The following PCCA variants were observed in gnomAD, a reference collection of about 807,000 sequenced individuals.
PCCA encodes propionyl-CoA carboxylase subunit alpha, also known as propionyl-CoA carboxylase alpha chain, mitochondrial.
In PCCA, 74 loss-of-function variants were observed where a neutral mutation model predicts 101.3. The ratio of observed to expected loss-of-function variants is 0.73; its 90% CI spans 0.61 to 0.89. The LOEUF (loss-of-function observed/expected upper bound fraction) is 0.89. Among genes scored for constraint, PCCA ranks in the 40% least tolerant of loss-of-function variants. PCCA has a pLI of 0.00. For synonymous variants in PCCA, 294 were observed against 313.6 expected (o/e 0.94, Z 0.66); for missense variants, 891 against 907.0 (o/e 0.98, Z 0.23).
chr13:100,483,255 A>T (rs540836480), intron 21 of PCCA, among the ~76,000 whole-genome samples: 40 of 139,306 alleles, frequency 2.9e-4, no homozygotes, highest in African/African-American at 1.1e-3. Flanking sequence ...CCTTTCAGGG[A>T]AAAAAAAAAA....
intron 19 of PCCA, among the ~76,000 whole-genome samples, chr13:100,422,084 T>TTCTTTC (rs2078826083): frequency 1.5e-5 from 2 of 137,504 alleles, no homozygotes; most frequent in African/African-American, 3.1e-5. Context: ...CTTTCTTTCT[T>TTCTTTC]TCTTTCTTTC....
At chr13:100,192,446 A>T (rs764712571) in intron 6 of PCCA, among the ~76,000 whole-genome samples, 28 of 152,220 alleles carry the variant, frequency 1.8e-4, no homozygotes, top group Admixed American at 3.9e-4. Context: ...TGTGTTAAGC[A>T]GACATCAAAG....
rs979964860 is a variant in PCCA, at chr13:100,394,083, T to C, written c.1746+25509T>C. 3.3e-5 allele frequency among the ~76,000 whole-genome samples: 5 copies of C among 152,198 alleles called. No individual in the cohort carries two copies. Among genetic ancestry groups the C allele is most frequent in the African/African-American group, 1.2e-4 (5 of 41,456 alleles). On this transcript the variant is annotated intron_variant, in intron 19 of 23. Transcript: ENST00000376285. This position sits in a 1 kb window ranked among gnomAD's most constrained non-coding sequence, Gnocchi z 4.3. ...TATGCGTCAGCTGTGACTGAGTGTT[T>C]TGATGTCTTAGCAAAAGGCAGAGGA...
chr13:100,446,936 C>T (rs1004610533), intron 20 of PCCA, among the ~76,000 whole-genome samples: 2 of 152,156 alleles, frequency 1.3e-5, no homozygotes, highest in African/African-American at 4.8e-5. Flanking sequence ...TTTTAAATGG[C>T]AGGCTGGATA....
At chr13:100,378,179 A>G (rs940105855) in intron 19 of PCCA, among the ~76,000 whole-genome samples, 7 of 152,174 alleles carry the variant, frequency 4.6e-5, no homozygotes, top group Admixed American at 2.0e-4. Context: ...TTTCTCCTTC[A>G]TTAATGAAGG....
chr13:100,351,497 G>A (rs1214017380), intron 18 of PCCA, among the ~76,000 whole-genome samples: 1 of 151,890 alleles, frequency 6.6e-6, no homozygotes, highest in Non-Finnish European at 1.5e-5. Context: ...TTTTTTCTCT[G>A]TTTGTATATA....
Position 100,095,040 on chromosome 13 carries a change from G to A in PCCA, c.105+5815G>A, listed in dbSNP as rs556460422. ...CAAGGCATGAGCAGGGCCATGCTTC[G>A]CCTGAAGGCTCTAGGGGAGAATCCT... is the stretch of plus-strand genomic sequence containing the variant. On this transcript the variant is annotated intron_variant, in intron 1 of 23. Coordinates refer to ENST00000376285, the MANE Select transcript of PCCA (RefSeq NM_000282.4). Among the ~76,000 whole-genome samples, 54 of 152,296 alleles carry A rather than the reference G, an allele frequency of 3.5e-4. 1 individual carries two copies. In the South Asian group the frequency reaches 0.01, roughly 29 times the overall value.
intron 21 of PCCA, among the ~76,000 whole-genome samples, chr13:100,508,068 C>T (rs969845158): frequency 6.6e-6 from 1 of 152,042 alleles, no homozygotes; most frequent in Non-Finnish European, 1.5e-5. Flanking sequence ...CAAGACAGAA[C>T]AAAGGATGAG....
intron 8 of PCCA, among the ~76,000 whole-genome samples, chr13:100,254,530 T>A (rs937944693): frequency 6.6e-6 from 1 of 152,198 alleles, no homozygotes; most frequent in Non-Finnish European, 1.5e-5. Context: ...AAATATTTTT[T>A]TCCTTCCACT....
At chr13:100,465,319 G>A (rs1596020027) in intron 21 of PCCA, among the ~76,000 whole-genome samples, 1 of 152,306 alleles carries the variant, frequency 6.6e-6, no homozygotes, top group East Asian at 1.9e-4. Flanking sequence ...CATGAGCCAA[G>A]CTTAGGAGCA....
chr13:100,346,647 A>G (rs987883410), intron 18 of PCCA, among the ~76,000 whole-genome samples: 2 of 152,356 alleles, frequency 1.3e-5, no homozygotes, highest in African/African-American at 4.8e-5. Context: ...AAGAAGTTCT[A>G]CTGTGGGAAA....
rs377427685 is a variant in PCCA at position 100,409,619 on chromosome 13, G to A, written c.1747-16014G>A. Among the ~76,000 whole-genome samples, 6 of 152,132 alleles carry A rather than the reference G, an allele frequency of 3.9e-5. No individual in the cohort carries two copies. The East Asian group carries it at 7.8e-4, about 20-fold the overall frequency. On this transcript the variant is annotated intron_variant, in intron 19 of 23. Coordinates refer to ENST00000376285, the MANE Select transcript of PCCA (RefSeq NM_000282.4). ...GGAGTTTTTCCAGGGGCCCCTTCCC[G>A]CCTGGCTATCTCACCATGATCGGAA...
intron 1 of PCCA, among the ~76,000 whole-genome samples, chr13:100,100,735 A>G (rs1458232775): frequency 1.3e-5 from 2 of 151,554 alleles, no homozygotes; most frequent in East Asian, 1.9e-4. Flanking sequence ...AATGGTTCAC[A>G]TTGGTAGTTG....
chr13:100,504,864 C>T (rs1042542775), intron 21 of PCCA, among the ~76,000 whole-genome samples: 2 of 151,928 alleles, frequency 1.3e-5, no homozygotes, highest in African/African-American at 4.8e-5. Flanking sequence ...ACCTGGGAGG[C>T]GGAGGCTGCA....
At chr13:100,296,756 A>T (rs1002165917) in intron 12 of PCCA, among the ~76,000 whole-genome samples, 3 of 152,200 alleles carry the variant, frequency 2.0e-5, no homozygotes, top group Admixed American at 6.5e-5. Context: ...GTACTTCCTA[A>T]AAACAAGTAA....
chr13:100,226,091 G>A (rs1328644830), intron 7 of PCCA, among the ~76,000 whole-genome samples: 3 of 152,068 alleles, frequency 2.0e-5, no homozygotes, highest in East Asian at 1.9e-4. Context: ...GTGCCCGGCC[G>A]AAAGATTTGG....
chr13:100,303,917 G>A (rs1191210857), intron 14 of PCCA, among the ~76,000 whole-genome samples: 1 of 152,170 alleles, frequency 6.6e-6, no homozygotes, highest in Non-Finnish European at 1.5e-5. Flanking sequence ...ACGTTAAATA[G>A]CACATGAGAA....
At chr13:100,233,606 T>C (rs989580387) in intron 7 of PCCA, among the ~76,000 whole-genome samples, 23 of 152,318 alleles carry the variant, frequency 1.5e-4, no homozygotes, top group Admixed American at 6.5e-5. Context: ...AAAGACCATA[T>C]TGGGGCTGAG....
At chr13:100,299,746 C>T (rs1450315516) in intron 12 of PCCA, among the ~76,000 whole-genome samples, 8 of 151,940 alleles carry the variant, frequency 5.3e-5, no homozygotes, top group Non-Finnish European at 8.8e-5. Flanking sequence ...GATGGAATAT[C>T]GCTCTGTTGC....
Sources: gnomAD v4.1 joint callset for allele counts (sites outside exome capture counted in the v4.1 genomes callset) on GRCh38, gnomAD v4.1.1 for gene constraint, Gnocchi (gnomAD v3.1) non-coding constraint, MANE v1.5 for transcripts, NCBI Gene and HGNC (gene_info 2026-07-23, HGNC 2026-07-21) for gene names.